TMEM132D: variants seen among roughly 807,000 people sequenced by gnomAD.
The protein encoded by TMEM132D is transmembrane protein 132D.
Under a neutral mutation model 62.3 loss-of-function variants are expected in TMEM132D, and 21 were observed. That is an observed-to-expected ratio of 0.34 (90% CI 0.24 to 0.49). The LOEUF is 0.49. TMEM132D is among the 20% of genes least tolerant of loss of function. The pLI, the probability that TMEM132D is intolerant of heterozygous loss-of-function variation, is 0.99. For synonymous variants in TMEM132D, 621 were observed against 575.6 expected (o/e 1.08, Z -1.13); for missense variants, 1,346 against 1,402.8 (o/e 0.96, Z 0.65).
chr12:129,515,303 G>A (rs1040207604), intron 3 of TMEM132D, among the ~76,000 whole-genome samples: 4 of 152,168 alleles, frequency 2.6e-5, no homozygotes, highest in Non-Finnish European at 4.4e-5. Context: ...CAGAAAAGAC[G>A]TTTTGTACAC....
intron 3 of TMEM132D, among the ~76,000 whole-genome samples, chr12:129,513,430 TA>T (rs1232694007): frequency 6.6e-6 from 1 of 152,124 alleles, no homozygotes; most frequent in Non-Finnish European, 1.5e-5. Flanking sequence ...AATTTTTTTT[TA>T]ATTGACCTGG....
intron 2 of TMEM132D, among the ~76,000 whole-genome samples, chr12:129,692,096 C>T (rs748326327): frequency 5.9e-5 from 9 of 151,910 alleles, no homozygotes; most frequent in South Asian, 2.1e-4. Flanking sequence ...ATGTTCTAAC[C>T]GTATTACCAA....
chr12:129,798,063 CCT>C (rs1168641495), intron 1 of TMEM132D, among the ~76,000 whole-genome samples: 1 of 151,946 alleles, frequency 6.6e-6, no homozygotes, highest in African/African-American at 2.4e-5. Flanking sequence ...GCACCCTCCT[CCT>C]CTCTCTCTCG....
intron 7 of TMEM132D, among the ~76,000 whole-genome samples, chr12:129,080,286 G>C (rs983423665): frequency 4.6e-5 from 7 of 152,112 alleles, no homozygotes; most frequent in African/African-American, 1.7e-4. Context: ...GGCAGCTTTT[G>C]GCTCTGAGTA....
chr12:129,261,435 A>T (rs552381697), intron 4 of TMEM132D, among the ~76,000 whole-genome samples: 18 of 152,230 alleles, frequency 1.2e-4, no homozygotes, highest in African/African-American at 3.9e-4. Flanking sequence ...GCCATGTAAG[A>T]TGTGCCTTTG....
At chr12:129,160,212 TG>T (rs1877362817) in intron 5 of TMEM132D, among the ~76,000 whole-genome samples, 2 of 152,240 alleles carry the variant, frequency 1.3e-5, no homozygotes, top group Non-Finnish European at 2.9e-5. Flanking sequence ...ACATCCATTT[TG>T]TCTTCTATTT....
chr12:129,073,848 G>A lies in TMEM132D; in HGVS notation c.*27C>T, dbSNP rs1243197961. On this transcript the variant is annotated 3_prime_UTR_variant, in exon 9 of 9. Coordinates refer to ENST00000422113, the MANE Select transcript of TMEM132D (RefSeq NM_133448.3). ...TGGAATTAAAGGCTGAAAGGTGAGT[G>A]AGAACCAATGTCTGTGTGTGTCTGG... 4.0e-6 allele frequency: 6 copies of A among 1,508,728 alleles called. No homozygotes were observed. The highest frequency in any genetic ancestry group is 5.3e-6 in the Non-Finnish European group (6 of 1,127,022). The allele number at this position is 1,508,728 out of a possible 1,614,324, so 93.5% of individuals were successfully genotyped here. A position where few individuals can be genotyped will look rare whatever the true frequency, so the allele number is the denominator to read the frequency against.
rs191607103 is a variant in TMEM132D, at chr12:129,451,305, T to C, written c.1115+79754A>G. Among the ~76,000 whole-genome samples, 84 of 152,332 alleles carry C rather than the reference T, an allele frequency of 5.5e-4. No homozygotes were observed. In the East Asian group the frequency reaches 0.015, roughly 28 times the overall value. ...CCCAGCTGGCAAGTTAGAACTCTGA[T>C]AAGCAGGCATTAATCATGGTAGATG... is the stretch of plus-strand genomic sequence containing the variant. On this transcript the variant is annotated intron_variant, in intron 3 of 8. Coordinates refer to ENST00000422113, the MANE Select transcript of TMEM132D (RefSeq NM_133448.3).
intron 3 of TMEM132D, among the ~76,000 whole-genome samples, chr12:129,342,057 T>C (rs573752231): frequency 1.7e-3 from 256 of 152,234 alleles, no homozygotes; most frequent in African/African-American, 5.8e-3. Flanking sequence ...ACTTTCTTCA[T>C]AGAATTGGAA....
intron 1 of TMEM132D, among the ~76,000 whole-genome samples, chr12:129,767,929 C>T (rs1419126536): frequency 6.6e-6 from 1 of 152,168 alleles, no homozygotes; most frequent in Non-Finnish European, 1.5e-5. Context: ...GGAGCAAAGG[C>T]ACATCTCACA....
In TMEM132D at chr12:129,646,588, A is replaced by G. The variant is rs77125830; in HGVS notation, c.968+53222T>C. On this transcript the variant is annotated intron_variant, in intron 2 of 8. Coordinates refer to ENST00000422113, the MANE Select transcript of TMEM132D (RefSeq NM_133448.3). ...CACCCAGAGATAAATACTCCTCCCA[A>G]ATACTCTCTGGACTCTCTCTCTCCA... Among the ~76,000 whole-genome samples the G allele has an allele frequency of 0.011, 1,627 of 152,120 alleles. 50 individuals are homozygous for G. The South Asian group carries it at 0.12, about 11-fold the overall frequency.
chr12:129,895,145 T>C (rs940842788), intron 1 of TMEM132D, among the ~76,000 whole-genome samples: 1 of 152,322 alleles, frequency 6.6e-6, no homozygotes, highest in Admixed American at 6.5e-5. Context: ...TGCTACCATC[T>C]GAGCTGCTGG....
chr12:129,343,771 CA>C (rs201157436), intron 3 of TMEM132D, among the ~76,000 whole-genome samples: 2,802 of 127,080 alleles, frequency 0.022, 77 homozygotes, highest in African/African-American at 0.07. Flanking sequence ...CAAAAAAAAA[CA>C]AAAAAAAAAA....
At chr12:129,777,108 G>A (rs1365264344) in intron 1 of TMEM132D, among the ~76,000 whole-genome samples, 4 of 152,140 alleles carry the variant, frequency 2.6e-5, no homozygotes, top group African/African-American at 4.8e-5. Flanking sequence ...CCTTCCCCAG[G>A]GCAAAGTGCC....
intron 1 of TMEM132D, among the ~76,000 whole-genome samples, chr12:129,756,372 C>G (rs1870169509): frequency 6.6e-6 from 1 of 152,182 alleles, no homozygotes; most frequent in Non-Finnish European, 1.5e-5. Flanking sequence ...AATTTTGACA[C>G]ACACTATAAC....
chr12:129,737,661 C>A (rs992411530), intron 1 of TMEM132D, among the ~76,000 whole-genome samples: 4 of 152,216 alleles, frequency 2.6e-5, no homozygotes, highest in Non-Finnish European at 4.4e-5. Context: ...CATGTACAGA[C>A]CATCTCTGGC....
At chr12:129,179,104 C>T (rs1877990942) in intron 5 of TMEM132D, among the ~76,000 whole-genome samples, 1 of 152,058 alleles carries the variant, frequency 6.6e-6, no homozygotes, top group Non-Finnish European at 1.5e-5. Context: ...GATGAGTGAG[C>T]CCAGAGTTCA....
chr12:129,383,638 C>G (rs1871018331), intron 3 of TMEM132D, among the ~76,000 whole-genome samples: 1 of 152,126 alleles, frequency 6.6e-6, no homozygotes, highest in African/African-American at 2.4e-5. Flanking sequence ...AGGGTTTCAA[C>G]ATATTGGCCA....
intron 4 of TMEM132D, chr12:129,210,068 T>A (rs1198027614): frequency 1.2e-5 from 2 of 167,558 alleles, no homozygotes; most frequent in African/African-American, 4.8e-5. Flanking sequence ...TTTTGTCACT[T>A]GCCCAGGGTC....
Sources: gnomAD v4.1 joint callset for allele counts (sites outside exome capture counted in the v4.1 genomes callset) on GRCh38, gnomAD v4.1.1 for gene constraint, MANE v1.5 for transcripts, NCBI Gene and HGNC (gene_info 2026-07-23, HGNC 2026-07-21) for gene names.